CD84: variants seen among roughly 807,000 people sequenced by gnomAD.
CD84 encodes CD84 molecule, also known as SLAM family member 5.
A neutral mutation model predicts 33.8 loss-of-function variants in CD84; 22 were observed. That is an observed-to-expected ratio of 0.65 (90% confidence interval 0.46 to 0.93). The LOEUF is 0.93. CD84 is among the 40% of genes least tolerant of loss of function. The pLI is 0.00. For missense variants in CD84, 400 were observed against 397.6 expected (o/e 1.01, Z -0.05); for synonymous variants, 154 against 145.2 (o/e 1.06, Z -0.44).
rs1163213632 is a variant in CD84 at position 160,542,325 on chromosome 1, C to A, written c.*5931G>T. ...GACAGGGAATAGTACATAGTAGGCA[C>A]TGGATAAATGTTAATTATTTTGATT... On this transcript the variant is annotated 3_prime_UTR_variant, in exon 7 of 7. Coordinates refer to ENST00000368054, the MANE Select transcript of CD84 (RefSeq NM_003874.4). The A allele has an allele frequency of 6.6e-6, 1 of 152,136 alleles. No individual in the cohort carries two copies. Among genetic ancestry groups the A allele is most frequent in the Non-Finnish European group, 1.5e-5 (1 of 68,030 alleles). 9.4% of individuals were successfully genotyped at this position (152,136 alleles called of 1,614,324 possible). A position where few individuals can be genotyped will look rare whatever the true frequency, so the allele number is the denominator to read the frequency against.
intron 2 of CD84, among the ~76,000 whole-genome samples, chr1:160,562,545 C>T (rs1657049423): frequency 6.6e-6 from 1 of 152,122 alleles, no homozygotes; most frequent in Admixed American, 6.6e-5. Context: ...TGGACCACTC[C>T]CTTATACCTT....
rs778174126 is a variant in CD84, at chr1:160,553,400, G to A, written c.738C>T (p.Phe246=). ...TACCTTGTCTTCTCTTGAACAAACGGAACAAAAACACTGAAGACAGAATGA... is the reference window on the plus strand; with the variant it reads ...TACCTTGTCTTCTCTTGAACAAACGAAACAAAAACACTGAAGACAGAATGA... ...LVLILSSVFL[F]RLFKRRQDAA... The change falls in exon 4 of 7, where the codon TTC becomes TTT. Residue 246 remains phenylalanine (F), a synonymous_variant. Coordinates refer to ENST00000368054, the MANE Select transcript of CD84 (RefSeq NM_003874.4). 3.1e-6 allele frequency: 5 copies of A among 1,613,938 alleles called. No individual in the cohort carries two copies. The highest frequency in any genetic ancestry group is 2.5e-6 in the Non-Finnish European group (3 of 1,180,026).
intron 2 of CD84, among the ~76,000 whole-genome samples, chr1:160,555,020 A>G (rs568159742): frequency 6.6e-6 from 1 of 152,054 alleles, no homozygotes; most frequent in Admixed American, 6.6e-5. Context: ...ATATATATGA[A>G]TACACACACC....
At chr1:160,554,362 C>T (rs1656462844) in intron 2 of CD84, among the ~76,000 whole-genome samples, 1 of 152,192 alleles carries the variant, frequency 6.6e-6, no homozygotes, top group South Asian at 2.1e-4. Context: ...TGTCTATGCT[C>T]TCGAGGTTAT....
At chr1:160,577,222 C>T (rs568033385) in intron 1 of CD84, among the ~76,000 whole-genome samples, 1 of 152,150 alleles carries the variant, frequency 6.6e-6, no homozygotes, top group African/African-American at 2.4e-5. Flanking sequence ...GGATTTCTCC[C>T]TGCATCTCTC....
intron 1 of CD84, among the ~76,000 whole-genome samples, chr1:160,569,483 G>A (rs952942163): frequency 4.6e-5 from 7 of 151,506 alleles, no homozygotes; most frequent in Non-Finnish European, 8.8e-5. Flanking sequence ...TCTGCCTTTC[G>A]GGGGGAATTT....
Position 160,549,975 on chromosome 1 carries a change from A to G in CD84, c.863T>C (p.Leu288Pro), listed in dbSNP as rs1656091575. The G allele has an allele frequency of 2.5e-6, 4 of 1,609,888 alleles. No homozygotes were observed. The highest frequency in any genetic ancestry group is 2.2e-5 in the East Asian group (1 of 44,850). The change falls in exon 6 of 7, where the codon CTT (leucine) becomes CCT (proline). Residue 288 changes from leucine (L) to proline (P), a missense_variant. By Grantham distance (98) the Leu-to-Pro change is moderately conservative. Coordinates refer to ENST00000368054, the MANE Select transcript of CD84 (RefSeq NM_003874.4). ...IYDEILQSKV[L>P]PSKEEPVNTV... ...GTTCACTGGCTCTTCCTTGGAGGGA[A>G]GCACCTGTAAAACACACATCTTCCC...
At chr1:160,567,132 G>T (rs7527931) in intron 1 of CD84, among the ~76,000 whole-genome samples, 7,576 of 152,242 alleles carry the variant, frequency 0.05, 639 homozygotes, top group African/African-American at 0.17. Context: ...TGTACTGGTT[G>T]CATGTAGGCT....
rs1054570821 is a variant in CD84, at chr1:160,550,950, G to A, written c.846C>T (p.Ile282=). 1 of 1,613,830 alleles carries A rather than the reference G, an allele frequency of 6.2e-7. No individual in the cohort carries two copies. The highest frequency in any genetic ancestry group is 8.5e-7 in the Non-Finnish European group (1 of 1,179,748). The change falls in exon 5 of 7, where the codon ATC becomes ATT. Residue 282 remains isoleucine (I), a synonymous_variant. Transcript: ENST00000368054. ...TGCATCAGCTCACCTTGGACTGCAG[G>A]ATTTCATCATAGATTCTGGACTCTG... ...QPAESRIYDE[I]LQSKVLPSKE...
intron 2 of CD84, among the ~76,000 whole-genome samples, 171 bp downstream of exon 2, chr1:160,565,233 A>G (rs1050910628): frequency 6.6e-6 from 1 of 152,216 alleles, no homozygotes; most frequent in African/African-American, 2.4e-5. Context: ...AGGCAAAGTC[A>G]GGACTGAAAT....
chr1:160,555,370 A>ACC (rs1239727441), intron 2 of CD84, among the ~76,000 whole-genome samples: 2 of 152,114 alleles, frequency 1.3e-5, no homozygotes, highest in East Asian at 3.8e-4. Flanking sequence ...GGTGTGAGCC[A>ACC]CCGCACCCAG....
chr1:160,572,777 T>C (rs11265436), intron 1 of CD84, among the ~76,000 whole-genome samples: 130,181 of 152,146 alleles, frequency 0.86, 56,343 homozygotes, highest in Non-Finnish European at 0.93. Flanking sequence ...GCCATACCTC[T>C]AGAGGAGAAG....
chr1:160,578,301 A>G (rs61801562), intron 1 of CD84, among the ~76,000 whole-genome samples: 39,600 of 152,100 alleles, frequency 0.26, 5,570 homozygotes, highest in Middle Eastern at 0.38. Context: ...TCTCTCTGGA[A>G]GATTAGGGAC....
intron 4 of CD84, chr1:160,551,277 TC>T: frequency 2.2e-6 from 1 of 452,524 alleles, no homozygotes; most frequent in Non-Finnish European, 4.0e-6. Flanking sequence ...AAAGACAATT[TC>T]CCCAACCCCT....
chr1:160,576,001 A>G (rs189514312), intron 1 of CD84, among the ~76,000 whole-genome samples: 1 of 152,282 alleles, frequency 6.6e-6, no homozygotes, highest in African/African-American at 2.4e-5. Flanking sequence ...CATATGTAAT[A>G]TATTTCCATT....
chr1:160,560,370 A>G (rs1656868652), intron 2 of CD84, among the ~76,000 whole-genome samples: 1 of 152,210 alleles, frequency 6.6e-6, no homozygotes, highest in Non-Finnish European at 1.5e-5. Context: ...TTACATGGAA[A>G]TTCAACAATC....
At position 160,544,756 on chromosome 1, in the gene CD84, C is replaced by A. The variant is rs899206594; in HGVS notation, c.*3500G>T. 2.0e-5 allele frequency: 3 copies of A among 152,194 alleles called. No individual in the cohort carries two copies. Among genetic ancestry groups the A allele is most frequent in the Non-Finnish European group, 2.9e-5 (2 of 68,062 alleles). The allele number at this position is 152,194 out of a possible 1,614,324, so 9.4% of individuals were successfully genotyped here. On this transcript the variant is annotated 3_prime_UTR_variant, in exon 7 of 7. Coordinates refer to ENST00000368054, the MANE Select transcript of CD84 (RefSeq NM_003874.4). ...TCATATTTTAAACAAGCTTCACTTT[C>A]TTCTTCTAAGAATCATGAGCTGCAA...
intron 4 of CD84, among the ~76,000 whole-genome samples, chr1:160,552,363 T>G (rs1656290736): frequency 6.6e-6 from 1 of 152,158 alleles, no homozygotes; most frequent in Non-Finnish European, 1.5e-5. Context: ...CCCCCTAGAA[T>G]GCCTCCTCCG....
rs760566873 is a variant in CD84, at chr1:160,579,378, G to A, written c.46+14C>T. The stretch of plus-strand genomic sequence containing the variant: ...TGGAAAACTAGGAGGCGATCAGCAA[G>A]GGTCAGAACTCACAGGTTTGCAGGC... On this transcript the variant is annotated intron_variant, in intron 1 of 6. Coordinates refer to ENST00000368054, the MANE Select transcript of CD84 (RefSeq NM_003874.4). 6.2e-7 allele frequency: 1 copy of A among 1,613,056 alleles called. No homozygotes were observed.
Sources: allele counts gnomAD v4.1 joint callset (sites outside exome capture counted in the v4.1 genomes callset), GRCh38; gene constraint gnomAD v4.1.1; transcripts MANE v1.5; gene names NCBI Gene and HGNC (gene_info 2026-07-23, HGNC 2026-07-21).